Variants in CD86 observed in about 807,000 individuals in gnomAD.
CD86 encodes T-lymphocyte activation antigen CD86.
A neutral mutation model predicts 32.1 loss-of-function variants in CD86; 11 were observed. The observed-to-expected ratio is 0.34, with a 90% CI of 0.22 to 0.57. The LOEUF (loss-of-function observed/expected upper bound fraction) is 0.57. Ranked by LOEUF, CD86 falls within the 20% of genes least tolerant of loss-of-function variation. The pLI, the probability that CD86 is intolerant of heterozygous loss-of-function variation, is 0.86. For missense variants in CD86, 359 were observed against 398.4 expected (o/e 0.90, Z 0.84); for synonymous variants, 137 against 135.3 (o/e 1.01, Z -0.09).
At chr3:122,106,068 C>T (rs2073086642) in intron 3 of CD86, 130 bp from the exon 4 acceptor site, 1 of 643,836 alleles carries the variant, frequency 1.6e-6, no homozygotes, top group Admixed American at 3.1e-5. Context: ...CTGAGGGTCA[C>T]ATTTTAGACA....
chr3:122,092,952 G>T (rs1227104752), intron 2 of CD86, among the ~76,000 whole-genome samples: 1 of 152,150 alleles, frequency 6.6e-6, no homozygotes, highest in African/African-American at 2.4e-5. Flanking sequence ...AGCTTGTGGA[G>T]TCCTTGAGTG....
At chr3:122,113,809 G>A (rs1278531474) in intron 5 of CD86, among the ~76,000 whole-genome samples, 1 of 152,138 alleles carries the variant, frequency 6.6e-6, no homozygotes, top group Non-Finnish European at 1.5e-5. Flanking sequence ...AAGAAGGCCT[G>A]GAGAGAACAG....
At chr3:122,093,606 A>C (rs930638450) in intron 2 of CD86, among the ~76,000 whole-genome samples, 4 of 152,228 alleles carry the variant, frequency 2.6e-5, no homozygotes, top group Admixed American at 6.5e-5. Flanking sequence ...TAAGCATAGA[A>C]AAGATACAGT....
In CD86 at chr3:122,120,460, C is replaced by A. The variant is rs2073327084; in HGVS notation, c.*926C>A. The A allele has an allele frequency of 6.6e-6, 1 of 152,226 alleles. No homozygotes were observed. The highest frequency in any genetic ancestry group is 6.5e-5 in the Admixed American group (1 of 15,282). 9.4% of individuals were successfully genotyped at this position (152,226 alleles called of 1,614,324 possible). A position where few individuals can be genotyped will look rare whatever the true frequency, so the allele number is the denominator to read the frequency against. ...AAATACATGAAATGTCTGGTCTGTCCACCCCATCAACAAGTCTTGAAACAA... is the reference window on the plus strand; with the variant it reads ...AAATACATGAAATGTCTGGTCTGTCAACCCCATCAACAAGTCTTGAAACAA... On this transcript the variant is annotated 3_prime_UTR_variant, in exon 7 of 7. Coordinates refer to ENST00000330540, the MANE Select transcript of CD86 (RefSeq NM_175862.5).
At chr3:122,068,100 T>A (rs1018545193) in intron 1 of CD86, among the ~76,000 whole-genome samples, 3 of 150,452 alleles carry the variant, frequency 2.0e-5, no homozygotes, top group East Asian at 1.9e-4. Context: ...ATGGAAACTT[T>A]AAAAAAAAAA....
chr3:122,068,711 C>A lies in CD86; in HGVS notation c.14+13208C>A, dbSNP rs994025274. Reference sequence around the variant, plus strand: ...ATTTCATTTGATTAGAAATATGTTACATAGTTATGTTATTTGTTAAATAAT... The same window carrying A: ...ATTTCATTTGATTAGAAATATGTTAAATAGTTATGTTATTTGTTAAATAAT... On this transcript the variant is annotated intron_variant, in intron 1 of 6. Transcript: ENST00000330540. Among the ~76,000 whole-genome samples the A allele has an allele frequency of 6.6e-5, 10 of 152,156 alleles. 1 individual carries two copies. The highest frequency in any genetic ancestry group is 4.2e-4 in the South Asian group (2 of 4,816).
At chr3:122,068,757 T>C (rs1468810299) in intron 1 of CD86, among the ~76,000 whole-genome samples, 1 of 152,242 alleles carries the variant, frequency 6.6e-6, no homozygotes, top group Non-Finnish European at 1.5e-5. Flanking sequence ...TTGTATAACC[T>C]ATCAGAAGAA....
chr3:122,109,508 A>G (rs536869124), intron 5 of CD86, 100 bp downstream of exon 5: 1 of 1,344,642 alleles, frequency 7.4e-7, no homozygotes, highest in South Asian at 1.2e-5. Context: ...TAGACTGGCA[A>G]AAAGTCAGGA....
intron 6 of CD86, 42 bp from the exon 7 acceptor site, chr3:122,119,396 C>G (rs762010859): frequency 2.2e-5 from 26 of 1,201,444 alleles, no homozygotes; most frequent in Non-Finnish European, 3.1e-5. Context: ...GAAAGTAGCT[C>G]AAATGTGAAA....
At chr3:122,110,539 A>T (rs558224319) in intron 5 of CD86, among the ~76,000 whole-genome samples, 1 of 152,316 alleles carries the variant, frequency 6.6e-6, no homozygotes, top group Admixed American at 6.5e-5. Flanking sequence ...TGATTTTAAA[A>T]TCTAACTAGA....
intron 2 of CD86, among the ~76,000 whole-genome samples, chr3:122,092,584 C>T (rs137946200): frequency 2.8e-4 from 43 of 152,308 alleles, no homozygotes; most frequent in African/African-American, 9.9e-4. Context: ...GTTTCAGTTT[C>T]TTCATCTATA....
intron 1 of CD86, among the ~76,000 whole-genome samples, chr3:122,090,847 T>C (rs2072805340): frequency 6.6e-6 from 1 of 152,192 alleles, no homozygotes; most frequent in Non-Finnish European, 1.5e-5. Flanking sequence ...TGAATTGCTC[T>C]CAAAGCGTGG....
intron 1 of CD86, among the ~76,000 whole-genome samples, chr3:122,059,150 G>A (rs1393955971): frequency 6.6e-6 from 1 of 152,086 alleles, no homozygotes; most frequent in Non-Finnish European, 1.5e-5. Flanking sequence ...ATATTTAGGT[G>A]CAAGTTCAAA....
At chr3:122,119,403 G>A (rs2073306680) in intron 6 of CD86, 35 bp from the exon 7 acceptor site, 2 of 1,277,370 alleles carry the variant, frequency 1.6e-6, no homozygotes, top group Non-Finnish European at 2.3e-6. Flanking sequence ...GCTCAAATGT[G>A]AAATATCACC....
chr3:122,090,698 TA>T (rs1241741090), intron 1 of CD86, among the ~76,000 whole-genome samples: 1 of 152,176 alleles, frequency 6.6e-6, no homozygotes, highest in Non-Finnish European at 1.5e-5. Context: ...TGCTTCCTTA[TA>T]AGCCACTAAG....
chr3:122,060,676 A>T lies in CD86; in HGVS notation c.14+5173A>T, dbSNP rs564417989. Among the ~76,000 whole-genome samples the T allele has an allele frequency of 8.5e-5, 13 of 152,276 alleles. No individual in the cohort carries two copies. In the South Asian group the frequency reaches 2.7e-3, roughly 32 times the overall value. On this transcript the variant is annotated intron_variant, in intron 1 of 6. Coordinates refer to ENST00000330540, the MANE Select transcript of CD86 (RefSeq NM_175862.5). ...AAAGGCTAACCAAAAATAAAATCCAATACTTTATTTTTCCCACCCAAAACT... is the reference window on the plus strand; with the variant it reads ...AAAGGCTAACCAAAAATAAAATCCATTACTTTATTTTTCCCACCCAAAACT...
intron 1 of CD86, among the ~76,000 whole-genome samples, chr3:122,064,119 C>T (rs1010000783): frequency 2.6e-5 from 4 of 151,952 alleles, no homozygotes; most frequent in Admixed American, 2.0e-4. Flanking sequence ...TGAGGCAGTG[C>T]ATAAACCATG....
At chr3:122,092,731 G>A (rs2072845160) in intron 2 of CD86, among the ~76,000 whole-genome samples, 1 of 152,114 alleles carries the variant, frequency 6.6e-6, no homozygotes, top group South Asian at 2.1e-4. Flanking sequence ...AGACAGGGAG[G>A]TGAACTGAGC....
chr3:122,101,508 AAAAAAATATATAT>A (rs369946588), intron 2 of CD86, among the ~76,000 whole-genome samples: 2,822 of 40,444 alleles, frequency 0.07, 50 homozygotes, highest in Admixed American at 0.11. Context: ...AAAAAAAAAA[AAAAAAATATATAT>A]ATATATATAT....
Sources: gnomAD v4.1 joint callset for allele counts (sites outside exome capture counted in the v4.1 genomes callset) on GRCh38, gnomAD v4.1.1 for gene constraint, MANE v1.5 for transcripts, NCBI Gene and HGNC (gene_info 2026-07-23, HGNC 2026-07-21) for gene names.